KIAA1217: variants seen among roughly 807,000 people sequenced by gnomAD.
The protein encoded by KIAA1217 is sickle tail protein homolog.
KIAA1217 carries 88 observed loss-of-function variants against 163.9 expected under a neutral mutation model. The observed-to-expected ratio is 0.54, with a 90% confidence interval of 0.45 to 0.64. KIAA1217 has a LOEUF of 0.64. KIAA1217 is among the 30% of genes least tolerant of loss of function. KIAA1217 has a pLI of 0.00. For synonymous variants in KIAA1217, 903 were observed against 923.1 expected, an observed-to-expected ratio of 0.98 and a Z score of 0.39; for missense variants, 2,372 against 2,475.0, an observed-to-expected ratio of 0.96 and a Z score of 0.88.
chr10:24,191,189 A>C (rs2130465815), intron 2 of KIAA1217, among the ~76,000 whole-genome samples: 1 of 152,260 alleles, frequency 6.6e-6, no homozygotes, highest in South Asian at 2.1e-4. Flanking sequence ...AAAAAAAATA[A>C]AAAACAAAAG....
chr10:23,837,386 G>A (rs1838525738), intron 1 of KIAA1217, among the ~76,000 whole-genome samples: 1 of 152,164 alleles, frequency 6.6e-6, no homozygotes, highest in African/African-American at 2.4e-5. Context: ...AATGTCCAGA[G>A]AAATGGTTCA....
At chr10:24,433,223 A>C in intron 4 of KIAA1217, 30 bp downstream of exon 4, 1 of 1,561,750 alleles carries the variant, frequency 6.4e-7, no homozygotes, top group Non-Finnish European at 8.7e-7. Context: ...TTTGCCTGCC[A>C]TTTTGCCTTA....
intron 2 of KIAA1217, among the ~76,000 whole-genome samples, chr10:24,222,186 A>G (rs979958767): frequency 6.6e-6 from 1 of 152,154 alleles, no homozygotes; most frequent in Non-Finnish European, 1.5e-5. Flanking sequence ...AGTAATGAAT[A>G]TATTTTGGTG....
At chr10:24,275,020 C>G (rs2077128019) in intron 2 of KIAA1217, among the ~76,000 whole-genome samples, 1 of 152,150 alleles carries the variant, frequency 6.6e-6, no homozygotes. Context: ...TCACTGGAGC[C>G]TCAAACTCCT....
At chr10:23,862,941 A>G (rs1048106724) in intron 1 of KIAA1217, among the ~76,000 whole-genome samples, 1 of 152,166 alleles carries the variant, frequency 6.6e-6, no homozygotes, top group Non-Finnish European at 1.5e-5. Flanking sequence ...TCAGACCTTA[A>G]CAAGGATGAG....
In KIAA1217 at chr10:24,395,709, G is replaced by A. The variant is rs115041416; in HGVS notation, c.553+14642G>A. On this transcript the variant is annotated intron_variant, in intron 3 of 20. Transcript: ENST00000376454. ...TTTTTAAGAGACAGAGTCCTGCTCT[G>A]TCACCCAGGCTGGAGTTCGGTGGTG... 4.8e-3 allele frequency among the ~76,000 whole-genome samples: 737 copies of A among 152,266 alleles called. 2 individuals carry two copies. The highest frequency in any genetic ancestry group is 0.016 in the African/African-American group (682 of 41,544).
intron 1 of KIAA1217, among the ~76,000 whole-genome samples, chr10:23,732,769 C>T (rs1280079352): frequency 6.6e-6 from 1 of 152,018 alleles, no homozygotes; most frequent in African/African-American, 2.4e-5. Flanking sequence ...TATGTGTATT[C>T]AGTGCTATAA....
Position 24,467,552 on chromosome 10 carries a change from G to C in KIAA1217, c.847-5676G>C, listed in dbSNP as rs548635807. Among the ~76,000 whole-genome samples the C allele has an allele frequency of 3.9e-5, 6 of 152,318 alleles. No individual in the cohort carries two copies. The South Asian group carries it at 1.2e-3, about 32-fold the overall frequency. On this transcript the variant is annotated intron_variant, in intron 5 of 20. Coordinates refer to ENST00000376454, the MANE Select transcript of KIAA1217 (RefSeq NM_019590.5). ...TATCTGTGTTGTATTCAGATAAGGG[G>C]TTAGAAGAATCTTTATTTTTCTGTG...
intron 1 of KIAA1217, among the ~76,000 whole-genome samples, chr10:23,748,547 G>A (rs1839547843): frequency 1.6e-5 from 2 of 126,176 alleles, no homozygotes; most frequent in African/African-American, 6.2e-5. Flanking sequence ...GGGAGGAGAG[G>A]AGAGGGGAGA....
At chr10:24,090,332 CTTTTTTTTTTTTTT>C (rs35966270) in intron 2 of KIAA1217, among the ~76,000 whole-genome samples, 6 of 58,944 alleles carry the variant, frequency 1.0e-4, no homozygotes, top group Admixed American at 3.6e-4. Flanking sequence ...ACATCCTGCT[CTTTTTTTTTTTTTT>C]TTTTTTTTTT....
rs138635250 is a variant in KIAA1217 at position 24,076,977 on chromosome 10, A to G, written c.-171+69603A>G. 6.0e-3 allele frequency among the ~76,000 whole-genome samples: 916 copies of G among 151,746 alleles called. 10 individuals are homozygous for G. The highest frequency in any genetic ancestry group is 0.021 in the African/African-American group (851 of 41,350). ...CTGCAACTGCCAGCTCCCAGGTTCA[A>G]GCAGTTCTCCTGCCTCAGCCTCCCA... is the stretch of plus-strand genomic sequence containing the variant. On this transcript the variant is annotated intron_variant, in intron 2 of 18. Transcript: ENST00000376462.
Position 23,802,653 on chromosome 10 carries a change from C to T in KIAA1217, c.-321+107419C>T, listed in dbSNP as rs146330825. Among the ~76,000 whole-genome samples, 766 of 152,140 alleles carry T rather than the reference C, an allele frequency of 5.0e-3. 4 individuals carry two copies. The highest frequency in any genetic ancestry group is 0.017 in the African/African-American group (689 of 41,500). On this transcript the variant is annotated intron_variant, in intron 1 of 18. Coordinates refer to the KIAA1217 transcript ENST00000376462. ...AGAAATGCCAGTTATCTTTTGAAGC[C>T]GTATATACTGATCAAGTACAGAGAA...
chr10:24,486,909 T>C (rs1231569858), intron 6 of KIAA1217, among the ~76,000 whole-genome samples: 1 of 152,228 alleles, frequency 6.6e-6, no homozygotes, highest in East Asian at 1.9e-4. Context: ...CATGTCTATG[T>C]CCTTAGTGCC....
intron 10 of KIAA1217, 141 bp from the exon 11 acceptor site, chr10:24,519,982 T>C: frequency 1.1e-6 from 1 of 910,992 alleles, no homozygotes; most frequent in Non-Finnish European, 1.7e-6. Context: ...GCGACCCCCC[T>C]CCACCACCAC....
rs1331733957 is a variant in KIAA1217, at chr10:23,914,757, G to A, written c.-320-92468G>A. On this transcript the variant is annotated intron_variant, in intron 1 of 18. Coordinates refer to the KIAA1217 transcript ENST00000376462. ...TGTAAATACCGGTGCAACACCCAGT[G>A]CTTAGGTCCATGGCAATTCTCCTTT... is the stretch of plus-strand genomic sequence containing the variant. Among the ~76,000 whole-genome samples, 3 of 152,162 alleles carry A rather than the reference G, an allele frequency of 2.0e-5. No homozygotes were observed. In the East Asian group the frequency reaches 5.8e-4, roughly 29 times the overall value.
intron 3 of KIAA1217, among the ~76,000 whole-genome samples, chr10:24,387,997 T>A (rs1329255495): frequency 6.6e-6 from 1 of 152,186 alleles, no homozygotes; most frequent in Admixed American, 6.5e-5. Context: ...ATTTATAGAT[T>A]CAATGCCATC....
At chr10:23,981,878 T>C (rs954903695) in intron 1 of KIAA1217, among the ~76,000 whole-genome samples, 1 of 151,932 alleles carries the variant, frequency 6.6e-6, no homozygotes, top group African/African-American at 2.4e-5. Flanking sequence ...CTCAGGAAAA[T>C]TAGTACAGCT....
In KIAA1217 at chr10:24,543,825, A is replaced by G; in HGVS notation, c.4555A>G (p.Thr1519Ala). 1 of 1,614,084 alleles carries G rather than the reference A, an allele frequency of 6.2e-7. No homozygotes were observed. Among genetic ancestry groups the G allele is most frequent in the Non-Finnish European group, 8.5e-7 (1 of 1,180,018 alleles). ...TCTTAGAACCGGACAACAGGTGGAAACAAAGTCACAGCCACACTCCCTGGC... is the reference window on the plus strand; with the variant it reads ...TCTTAGAACCGGACAACAGGTGGAAGCAAAGTCACAGCCACACTCCCTGGC... ...GNLRTGQQVETKSQPHSLATE... is the reference protein window; with the variant it reads ...GNLRTGQQVEAKSQPHSLATE... Residue 1519 changes from threonine to alanine, a missense_variant, in exon 19 of 21, where the codon ACA (threonine) becomes GCA (alanine). By Grantham distance (58) the Thr-to-Ala change is moderately conservative. Around this residue, in one of 3 missense-constraint regions of KIAA1217, gnomAD observed 690 missense variants for 677.5 expected, o/e 1.02. Transcript: ENST00000376454.
At chr10:23,845,915 G>A (rs1198806416) in intron 1 of KIAA1217, among the ~76,000 whole-genome samples, 1 of 152,182 alleles carries the variant, frequency 6.6e-6, no homozygotes, top group Non-Finnish European at 1.5e-5. Context: ...TGTATAAGGT[G>A]TAAGGAAGGG....
Sources: allele counts gnomAD v4.1 joint callset (sites outside exome capture counted in the v4.1 genomes callset), GRCh38; gene constraint gnomAD v4.1.1; regional missense constraint gnomAD v4.1.1; transcripts MANE v1.5; gene names NCBI Gene and HGNC (gene_info 2026-07-23, HGNC 2026-07-21).